SLC16A7: variants seen among roughly 807,000 people sequenced by gnomAD.
The protein encoded by SLC16A7 is monocarboxylate transporter 2.
In SLC16A7, 33 loss-of-function variants were observed where a neutral mutation model predicts 34.9. The observed-to-expected ratio is 0.94, with a 90% confidence interval of 0.72 to 1.26. The LOEUF (loss-of-function observed/expected upper bound fraction) is 1.26, where lower values mean the gene tolerates loss of function less well. SLC16A7 is among the 50% of genes most tolerant of loss of function. SLC16A7 has a pLI of 0.00. For missense variants in SLC16A7, 573 were observed against 578.1 expected (o/e 0.99, Z 0.09); for synonymous variants, 201 against 206.6 (o/e 0.97, Z 0.23).
intron 1 of SLC16A7, among the ~76,000 whole-genome samples, chr12:59,643,007 T>C (rs1880751941): frequency 6.6e-6 from 1 of 152,148 alleles, no homozygotes; most frequent in Admixed American, 6.5e-5. Context: ...ATTTATGTTG[T>C]CAATTTTTAA....
chr12:59,711,126 G>T (rs1693610), intron 3 of SLC16A7, among the ~76,000 whole-genome samples: 5,523 of 152,252 alleles, frequency 0.036, 328 homozygotes, highest in African/African-American at 0.13. Context: ...CTTTGCATTT[G>T]CCCTGCAGGC....
At position 59,785,496 on chromosome 12, in the gene SLC16A7, C is replaced by T. The variant is rs1177558339; in HGVS notation, c.*5817C>T. ...TTAGATCAAATTACATCTCCCATCC[C>T]AATCTCCTGCTTCTTCATCATCTCC... On this transcript the variant is annotated 3_prime_UTR_variant, in exon 6 of 6. Transcript: ENST00000547379. The T allele has an allele frequency of 2.6e-5, 4 of 152,112 alleles. No homozygotes were observed. The highest frequency in any genetic ancestry group is 9.7e-5 in the African/African-American group (4 of 41,438). The allele number at this position is 152,112 out of a possible 1,614,324, so 9.4% of individuals were successfully genotyped here.
At chr12:59,691,583 A>T (rs2137097541) in intron 2 of SLC16A7, among the ~76,000 whole-genome samples, 1 of 152,102 alleles carries the variant, frequency 6.6e-6, no homozygotes, top group Non-Finnish European at 1.5e-5. Context: ...TGGATACCTC[A>T]TGTTGCTCAG....
In SLC16A7 at chr12:59,716,333, C is replaced by G. The variant is rs183469353; in HGVS notation, c.217+11315C>G. 9.5e-4 allele frequency among the ~76,000 whole-genome samples: 145 copies of G among 152,168 alleles called. 2 individuals are homozygous for G. The highest frequency in any genetic ancestry group is 3.4e-3 in the African/African-American group (141 of 41,528). ...TTGGAAGGCTGAAATGGAATAAAAC[C>G]GTTAAATAGAACTCCGATCTACGTC... On this transcript the variant is annotated intron_variant, in intron 3 of 5. Coordinates refer to ENST00000547379, the MANE Select transcript of SLC16A7 (RefSeq NM_001270623.2).
At chr12:59,751,436 G>A (rs989878442) in intron 3 of SLC16A7, among the ~76,000 whole-genome samples, 1 of 152,240 alleles carries the variant, frequency 6.6e-6, no homozygotes, top group East Asian at 1.9e-4. Context: ...AAAAAACGGT[G>A]CACCAGGAGA....
intron 3 of SLC16A7, among the ~76,000 whole-genome samples, chr12:59,753,753 G>C (rs868066801): frequency 6.6e-5 from 10 of 152,242 alleles, no homozygotes; most frequent in Non-Finnish European, 1.0e-4. Context: ...GCAACAAGCA[G>C]ACCTGATAGA....
chr12:59,619,293 T>C lies in SLC16A7; in HGVS notation c.-130+23057T>C, dbSNP rs193052296. Reference sequence around the variant, plus strand: ...CTCTGTGTAAAATTGAATCGTGCAATCAAAGAATCTTGGAGGTTATTTAGC... The same window carrying C: ...CTCTGTGTAAAATTGAATCGTGCAACCAAAGAATCTTGGAGGTTATTTAGC... On this transcript the variant is annotated intron_variant, in intron 1 of 5. Transcript: ENST00000547379. Among the ~76,000 whole-genome samples the C allele has an allele frequency of 4.7e-4, 71 of 152,148 alleles. 1 individual carries two copies. The highest frequency in any genetic ancestry group is 3.4e-3 in the Middle Eastern group (1 of 294).
intron 3 of SLC16A7, among the ~76,000 whole-genome samples, chr12:59,718,420 G>A (rs1200094974): frequency 6.6e-6 from 1 of 151,956 alleles, no homozygotes; most frequent in Non-Finnish European, 1.5e-5. Flanking sequence ...ATAGTGGTAG[G>A]GCATGGAGGA....
intron 1 of SLC16A7, among the ~76,000 whole-genome samples, chr12:59,650,236 G>C (rs1340607784): frequency 1.3e-5 from 2 of 152,072 alleles, no homozygotes; most frequent in Admixed American, 6.6e-5. Flanking sequence ...ACATGAAAAA[G>C]AGTGTGTGTC....
chr12:59,657,532 G>A (rs561356765), intron 2 of SLC16A7, among the ~76,000 whole-genome samples: 10 of 151,978 alleles, frequency 6.6e-5, no homozygotes, highest in Admixed American at 1.3e-4. Flanking sequence ...TCTGAATGGC[G>A]TTTTCAAAGA....
chr12:59,760,897 G>A (rs1252996301), intron 3 of SLC16A7, among the ~76,000 whole-genome samples: 3 of 152,008 alleles, frequency 2.0e-5, no homozygotes, highest in Non-Finnish European at 2.9e-5. Flanking sequence ...TGGGTAAGGG[G>A]GACTACTGAA....
At chr12:59,667,175 C>A (rs1327776464) in intron 2 of SLC16A7, among the ~76,000 whole-genome samples, 1 of 152,164 alleles carries the variant, frequency 6.6e-6, no homozygotes, top group Non-Finnish European at 1.5e-5. Flanking sequence ...ATTCCATTAC[C>A]TTCCCCTTAG....
intron 1 of SLC16A7, among the ~76,000 whole-genome samples, chr12:59,607,898 T>C (rs754518294): frequency 2.6e-5 from 4 of 152,178 alleles, no homozygotes; most frequent in Non-Finnish European, 5.9e-5. Context: ...CTTTATCCAA[T>C]AATATCCAGA....
intron 1 of SLC16A7, among the ~76,000 whole-genome samples, chr12:59,653,283 T>A (rs1842159919): frequency 1.3e-5 from 2 of 151,720 alleles, no homozygotes; most frequent in Admixed American, 6.6e-5. Context: ...AAAGAAAACT[T>A]CCTTAACTAA....
intron 3 of SLC16A7, among the ~76,000 whole-genome samples, chr12:59,744,538 A>T (rs988418296): frequency 2.0e-5 from 3 of 152,096 alleles, no homozygotes; most frequent in African/African-American, 7.2e-5. Context: ...CATTCGTGCA[A>T]CCTGATTTTT....
intron 2 of SLC16A7, among the ~76,000 whole-genome samples, chr12:59,675,918 T>C (rs1177594501): frequency 1.3e-5 from 2 of 150,078 alleles, no homozygotes; most frequent in Non-Finnish European, 3.0e-5. Flanking sequence ...ATTCCCCAGA[T>C]ATATATATAT....
At chr12:59,604,934 C>G (rs183663496) in intron 1 of SLC16A7, among the ~76,000 whole-genome samples, 217 of 152,290 alleles carry the variant, frequency 1.4e-3, no homozygotes, top group African/African-American at 4.8e-3. Context: ...GCCAGCTCTG[C>G]GTCCTAGGTT....
chr12:59,739,057 T>C (rs1307809575), intron 3 of SLC16A7, among the ~76,000 whole-genome samples: 1 of 150,882 alleles, frequency 6.6e-6, no homozygotes, highest in Admixed American at 6.6e-5. Flanking sequence ...TTATTATTAT[T>C]ATACTTTAAG....
chr12:59,714,020 A>G (rs747645748), intron 3 of SLC16A7, among the ~76,000 whole-genome samples: 35 of 152,252 alleles, frequency 2.3e-4, no homozygotes, highest in Non-Finnish European at 7.3e-5. Flanking sequence ...CAACAGCAGA[A>G]AATGGAAATC....
Sources: allele counts gnomAD v4.1 joint callset (sites outside exome capture counted in the v4.1 genomes callset), GRCh38; gene constraint gnomAD v4.1.1; transcripts MANE v1.5; gene names NCBI Gene and HGNC (gene_info 2026-07-23, HGNC 2026-07-21).